The following LRCH1 variants were observed in gnomAD, a reference collection of about 807,000 sequenced individuals.
LRCH1 encodes the protein leucine rich repeats and calponin homology domain containing 1, also known as leucine-rich repeat and calponin homology domain-containing protein 1.
LRCH1 carries 23 observed loss-of-function variants against 94.9 expected under a neutral mutation model. That is an observed-to-expected ratio of 0.24 (90% CI 0.17 to 0.34). The LOEUF is 0.34. Ranked by LOEUF, LRCH1 falls within the 10% of genes least tolerant of loss-of-function variation. The pLI is 1.00. For missense variants in LRCH1, 790 were observed against 945.9 expected (o/e 0.84, Z 2.16); for synonymous variants, 364 against 354.9 (o/e 1.03, Z -0.29).
chr13:46,727,166 T>G (rs889046193), intron 17 of LRCH1, among the ~76,000 whole-genome samples: 34 of 152,156 alleles, frequency 2.2e-4, no homozygotes, highest in African/African-American at 7.7e-4. Context: ...TAGAAAATTT[T>G]GGCAAAGAAA....
chr13:46,617,905 G>T (rs905124612), intron 1 of LRCH1, among the ~76,000 whole-genome samples: 9 of 152,016 alleles, frequency 5.9e-5, no homozygotes, highest in Non-Finnish European at 1.2e-4. Flanking sequence ...TTGAGAATTT[G>T]CTGAGCACTA....
chr13:46,592,494 AG>A (rs1193447732), intron 1 of LRCH1, among the ~76,000 whole-genome samples: 30 of 152,186 alleles, frequency 2.0e-4, no homozygotes, highest in African/African-American at 7.2e-4. Context: ...AAAGAAAACA[AG>A]GTTTTCTTCA....
At chr13:46,593,275 T>C (rs553559152) in intron 1 of LRCH1, among the ~76,000 whole-genome samples, 12 of 133,514 alleles carry the variant, frequency 9.0e-5, no homozygotes, top group Admixed American at 1.8e-4. Context: ...TTTTTCTTTC[T>C]TTCTTTCCTT....
chr13:46,719,197 A>G (rs1323840787), intron 16 of LRCH1, among the ~76,000 whole-genome samples: 1 of 152,224 alleles, frequency 6.6e-6, no homozygotes, highest in African/African-American at 2.4e-5. Context: ...GAGATTATTC[A>G]TAAGAGGAAA....
chr13:46,737,485 C>T (rs1179400696), intron 19 of LRCH1, among the ~76,000 whole-genome samples: 1 of 152,192 alleles, frequency 6.6e-6, no homozygotes, highest in East Asian at 1.9e-4. Flanking sequence ...AGCATTTTCA[C>T]ATTGGCTACA....
At chr13:46,600,595 T>G (rs1417064049) in intron 1 of LRCH1, among the ~76,000 whole-genome samples, 1 of 142,666 alleles carries the variant, frequency 7.0e-6, no homozygotes, top group African/African-American at 2.6e-5. Context: ...TGTTTTACAG[T>G]TTTTTTACAT....
intron 13 of LRCH1, 107 bp downstream of exon 13, chr13:46,705,411 TGAG>T: frequency 1.0e-6 from 1 of 979,820 alleles, no homozygotes; most frequent in Non-Finnish European, 1.7e-6. Flanking sequence ...TCTTTATTAA[TGAG>T]GCCAATATTC....
chr13:46,641,053 T>C (rs1213706761), intron 1 of LRCH1, among the ~76,000 whole-genome samples: 1 of 152,140 alleles, frequency 6.6e-6, no homozygotes, highest in African/African-American at 2.4e-5. Flanking sequence ...TGGGTTCTGC[T>C]TTATTGGCTG....
chr13:46,570,214 A>G (rs373843364), intron 1 of LRCH1, among the ~76,000 whole-genome samples: 1 of 152,226 alleles, frequency 6.6e-6, no homozygotes, highest in South Asian at 2.1e-4. Flanking sequence ...TCACATGGCT[A>G]CTAAGTGGCA....
intron 2 of LRCH1, among the ~76,000 whole-genome samples, chr13:46,651,610 A>C (rs9526212): frequency 6.7e-6 from 1 of 150,226 alleles, no homozygotes; most frequent in Non-Finnish European, 1.5e-5. Context: ...GCGGTGAGCC[A>C]AGATAGCGCC....
chr13:46,686,044 G>A lies in LRCH1; in HGVS notation c.822+3G>A, dbSNP rs1255437307. ...CTCTGCAGTCTCCTCCAGCACAGGT[G>A]AGGGGTCTTGCAGCAAAGCCAATGC... On this transcript the variant is annotated splice_donor_region_variant and intron_variant, in intron 5 of 19. Transcript: ENST00000389797. The A allele has an allele frequency of 6.4e-7, 1 of 1,565,154 alleles. No individual in the cohort carries two copies. Among genetic ancestry groups the A allele is most frequent in the Non-Finnish European group, 8.6e-7 (1 of 1,159,268 alleles).
intron 1 of LRCH1, among the ~76,000 whole-genome samples, chr13:46,583,054 T>C (rs2050391323): frequency 6.6e-6 from 1 of 152,200 alleles, no homozygotes; most frequent in Non-Finnish European, 1.5e-5. Flanking sequence ...CCAGTTTTTA[T>C]ATATTGCAGT....
intron 1 of LRCH1, among the ~76,000 whole-genome samples, chr13:46,572,748 A>T (rs1295391923): frequency 6.6e-6 from 1 of 152,200 alleles, no homozygotes; most frequent in Non-Finnish European, 1.5e-5. Flanking sequence ...TCACAGCCAC[A>T]TTTCGTAAAC....
intron 9 of LRCH1, 38 bp from the exon 10 acceptor site, chr13:46,699,298 C>A (rs1202832845): frequency 6.5e-7 from 1 of 1,542,814 alleles, no homozygotes; most frequent in Admixed American, 1.7e-5. Context: ...TACTGAGTAG[C>A]CAATGGTTTT....
At chr13:46,689,594 T>C (rs1003988139) in intron 7 of LRCH1, among the ~76,000 whole-genome samples, 1 of 152,284 alleles carries the variant, frequency 6.6e-6, no homozygotes, top group Admixed American at 6.5e-5. Flanking sequence ...GTTATACATA[T>C]GCGTAAATGT....
chr13:46,696,446 A>G (rs956468414), intron 9 of LRCH1, among the ~76,000 whole-genome samples: 2 of 152,212 alleles, frequency 1.3e-5, no homozygotes, highest in African/African-American at 4.8e-5. Flanking sequence ...GAATGTGTTA[A>G]GAAGATATCA....
downstream of LRCH1, among the ~76,000 whole-genome samples, chr13:46,747,425 C>T (rs1360404540): frequency 6.6e-6 from 1 of 152,216 alleles, no homozygotes; most frequent in Non-Finnish European, 1.5e-5. Context: ...GCTCATCAGG[C>T]CCTGGGGTCA....
intron 1 of LRCH1, among the ~76,000 whole-genome samples, chr13:46,630,403 A>C (rs539773092): frequency 6.6e-6 from 1 of 152,364 alleles, no homozygotes; most frequent in Non-Finnish European, 1.5e-5. Flanking sequence ...AACTCAAAGA[A>C]TCAGAGTGAT....
intron 7 of LRCH1, 27 bp from the exon 8 acceptor site, chr13:46,692,509 G>T (rs770251808): frequency 3.3e-6 from 5 of 1,504,286 alleles, no homozygotes; most frequent in Non-Finnish European, 4.6e-6. Context: ...CTTCTCTTGA[G>T]TTAAACAGTG....
Sources: gnomAD v4.1 joint callset for allele counts (sites outside exome capture counted in the v4.1 genomes callset) on GRCh38, gnomAD v4.1.1 for gene constraint, MANE v1.5 for transcripts, NCBI Gene and HGNC (gene_info 2026-07-23, HGNC 2026-07-21) for gene names.